The following KEL variants were observed in gnomAD, a reference collection of about 807,000 sequenced individuals.
KEL encodes kell blood group glycoprotein.
In KEL, 96 loss-of-function variants were observed where a neutral mutation model predicts 99.5. That is an observed-to-expected ratio of 0.97 (90% CI 0.82 to 1.14). The LOEUF is 1.14. KEL is among the 50% of genes most tolerant of loss of function. The pLI is 0.00. For synonymous variants in KEL, 355 were observed against 354.8 expected, an observed-to-expected ratio of 1.00 and a Z score of -0.01; for missense variants, 926 against 924.2, an observed-to-expected ratio of 1.00 and a Z score of -0.03.
At chr7:142,951,818 G>C (rs1046634558) in intron 10 of KEL, among the ~76,000 whole-genome samples, 2 of 152,102 alleles carry the variant, frequency 1.3e-5, no homozygotes, top group African/African-American at 4.8e-5. Flanking sequence ...AAAAAATCCA[G>C]TGATTTTTAA....
At chr7:142,952,350 TTGTC>T (rs1421792472) in intron 10 of KEL, among the ~76,000 whole-genome samples, 155 bp downstream of exon 10, 2 of 152,112 alleles carry the variant, frequency 1.3e-5, no homozygotes, top group African/African-American at 2.4e-5. Flanking sequence ...AAGTTAAACT[TTGTC>T]TGTCCAACTT....
intron 3 of KEL, 125 bp downstream of exon 3, chr7:142,961,235 G>C (rs929082737): frequency 5.9e-6 from 9 of 1,513,284 alleles, no homozygotes; most frequent in Non-Finnish European, 7.3e-6. Flanking sequence ...AGGATGCAGG[G>C]AGGAAGAAGA....
intron 18 of KEL, chr7:142,942,225 G>A (rs1328588974): frequency 3.4e-6 from 2 of 590,928 alleles, no homozygotes; most frequent in Non-Finnish European, 6.0e-6. Context: ...GAGTTGTGGG[G>A]GTGCTGAACT....
At chr7:142,945,348 T>C (rs1330540907) in intron 11 of KEL, among the ~76,000 whole-genome samples, 1 of 152,246 alleles carries the variant, frequency 6.6e-6, no homozygotes, top group Non-Finnish European at 1.5e-5. Flanking sequence ...CTCTGCTTTT[T>C]GGTAACTGTG....
At chr7:142,941,549 G>A in intron 18 of KEL, 136 bp from the exon 19 acceptor site, 1 of 741,842 alleles carries the variant, frequency 1.3e-6, no homozygotes, top group East Asian at 2.6e-5. Flanking sequence ...TGGAGCATTT[G>A]AAATGTATAG....
intron 1 of KEL, 30 bp from the exon 2 acceptor site, chr7:142,961,902 G>A (rs750181893): frequency 2.5e-6 from 4 of 1,611,304 alleles, no homozygotes; most frequent in Non-Finnish European, 3.4e-6. Flanking sequence ...AAGGAGGAGA[G>A]AGAAGCTGGT....
At position 142,962,328 on chromosome 7, in the gene KEL, G is replaced by C; in HGVS notation, c.-122C>G. On this transcript the variant is annotated 5_prime_UTR_variant, in exon 1 of 19. Coordinates refer to ENST00000355265, the MANE Select transcript of KEL (RefSeq NM_000420.3). ...TTGATCCTGGAGAAGGGGCACTTCT[G>C]CTGCTCTTTCGCCTTGTCCCCAGAC... 1 of 1,141,510 alleles carries C rather than the reference G, an allele frequency of 8.8e-7. No homozygotes were observed. Among genetic ancestry groups the C allele is most frequent in the Non-Finnish European group, 1.3e-6 (1 of 754,280 alleles). 70.7% of individuals were successfully genotyped at this position (1,141,510 alleles called of 1,614,324 possible).
intron 10 of KEL, among the ~76,000 whole-genome samples, chr7:142,946,778 C>T (rs1184045830): frequency 6.6e-6 from 1 of 152,212 alleles, no homozygotes; most frequent in Non-Finnish European, 1.5e-5. Flanking sequence ...TCACCTTTAT[C>T]CTCTCTCCAG....
At chr7:142,952,430 G>A (rs1796708717) in intron 10 of KEL, 79 bp downstream of exon 10, 1 of 1,569,080 alleles carries the variant, frequency 6.4e-7, no homozygotes, top group Non-Finnish European at 8.8e-7. Context: ...CCCTGAGAGA[G>A]AGATGCCGAC....
intron 6 of KEL, 107 bp from the exon 7 acceptor site, chr7:142,954,634 C>G (rs963545795): frequency 4.2e-6 from 4 of 950,722 alleles, no homozygotes; most frequent in Non-Finnish European, 6.9e-6. Flanking sequence ...GAGATGGACA[C>G]AAAGATTGGA....
chr7:142,946,011 T>C, intron 11 of KEL, 196 bp downstream of exon 11: 3 of 600,882 alleles, frequency 5.0e-6, no homozygotes, highest in Non-Finnish European at 8.9e-6. Flanking sequence ...CATGGAGAAT[T>C]TGTGGCCTGA....
rs1450222549 is a variant in KEL at position 142,942,431 on chromosome 7, T to C, written c.2037+3A>G. ...GCTGTGGCGGGAGGTGGCCGCTGCC[T>C]ACCTGGGCATAGCTTCGAAAGAAGA... On this transcript the variant is annotated splice_donor_region_variant and intron_variant, in intron 18 of 18. Coordinates refer to ENST00000355265, the MANE Select transcript of KEL (RefSeq NM_000420.3). 1 of 1,578,918 alleles carries C rather than the reference T, an allele frequency of 6.3e-7. No individual in the cohort carries two copies. The highest frequency in any genetic ancestry group is 1.1e-5 in the South Asian group (1 of 87,090).
intron 10 of KEL, among the ~76,000 whole-genome samples, chr7:142,947,045 T>A (rs954451894): frequency 6.6e-6 from 1 of 151,994 alleles, no homozygotes; most frequent in East Asian, 1.9e-4. Context: ...ACCTCAAGAA[T>A]GAGAAACAGA....
At chr7:142,954,781 G>A (rs7799481) in intron 6 of KEL, among the ~76,000 whole-genome samples, 26,233 of 152,124 alleles carry the variant, frequency 0.17, 4,480 homozygotes, top group African/African-American at 0.45. Context: ...GCAGAAGCAT[G>A]ATAATCAGCA....
intron 10 of KEL, among the ~76,000 whole-genome samples, 158 bp downstream of exon 10, chr7:142,952,351 T>C (rs1796706903): frequency 6.6e-6 from 1 of 152,180 alleles, no homozygotes; most frequent in Admixed American, 6.5e-5. Context: ...AGTTAAACTT[T>C]GTCTGTCCAA....
intron 10 of KEL, 32 bp downstream of exon 10, chr7:142,952,477 A>G (rs8175999): frequency 0.03 from 49,140 of 1,612,590 alleles, 2,643 homozygotes; most frequent in African/African-American, 0.25. Context: ...CCTTTCGAGT[A>G]TCTGGGCAAA....
intron 10 of KEL, among the ~76,000 whole-genome samples, chr7:142,947,400 G>A (rs2116652175): frequency 6.6e-6 from 1 of 152,196 alleles, no homozygotes. Context: ...TCCCACTACA[G>A]GAAACAGACC....
chr7:142,954,567 C>T lies in KEL; in HGVS notation c.673-40G>A, dbSNP rs376293740. 5.3e-5 allele frequency: 85 copies of T among 1,592,724 alleles called. No individual in the cohort carries two copies. In the Middle Eastern group the frequency reaches 6.7e-4, roughly 12 times the overall value. On this transcript the variant is annotated intron_variant, in intron 6 of 18. Coordinates refer to ENST00000355265, the MANE Select transcript of KEL (RefSeq NM_000420.3). ...GACTGGAGAGAAGCAGGGAGCATGG[C>T]GGATGGAGAGGGCAGGTGTGGGGAG...
At position 142,961,827 on chromosome 7, in the gene KEL, C is replaced by T. The variant is rs748536714; in HGVS notation, c.49G>A (p.Ala17Thr). Reference sequence around the variant, plus strand: ...CTCCAGAGAGTTCCCATTCCACCTGCCTGGCTGCGTTCCCTCGGCTCTTCC... The same window carrying T: ...CTCCAGAGAGTTCCCATTCCACCTGTCTGGCTGCGTTCCCTCGGCTCTTCC... ...SEEEPRERSQ[A>T]GGMGTLWSQE... The change falls in exon 2 of 19, where the codon GCA (alanine) becomes ACA (threonine). Residue 17 changes from alanine (A) to threonine (T), a missense_variant. Transcript: ENST00000355265. 6.2e-7 allele frequency: 1 copy of T among 1,614,108 alleles called. No individual in the cohort carries two copies. The highest frequency in any genetic ancestry group is 1.7e-5 in the Admixed American group (1 of 60,024).
Sources: allele counts gnomAD v4.1 joint callset (sites outside exome capture counted in the v4.1 genomes callset), GRCh38; gene constraint gnomAD v4.1.1; transcripts MANE v1.5; gene names NCBI Gene and HGNC (gene_info 2026-07-23, HGNC 2026-07-21).